PLPPR5: variants seen among roughly 807,000 people sequenced by gnomAD.
PLPPR5 encodes the protein phospholipid phosphatase related 5, also known as phospholipid phosphatase-related protein type 5.
A neutral mutation model predicts 33.9 loss-of-function variants in PLPPR5; 16 were observed. The observed-to-expected ratio is 0.47, with a 90% CI of 0.32 to 0.72. PLPPR5 has a LOEUF of 0.72. PLPPR5 is among the 30% of genes least tolerant of loss of function. The pLI is 0.03. For missense variants in PLPPR5, 301 were observed against 406.7 expected, an observed-to-expected ratio of 0.74 and a Z score of 2.23; for synonymous variants, 163 against 150.3, an observed-to-expected ratio of 1.08 and a Z score of -0.62.
intron 5 of PLPPR5, among the ~76,000 whole-genome samples, chr1:98,901,541 T>A (rs928014373): frequency 7.2e-5 from 11 of 152,118 alleles, no homozygotes; most frequent in Non-Finnish European, 4.4e-5. Flanking sequence ...GGTGTGTCAG[T>A]TATTGAATTA....
chr1:98,914,633 A>G (rs916663603), intron 5 of PLPPR5, among the ~76,000 whole-genome samples, 153 bp downstream of exon 5: 1 of 152,090 alleles, frequency 6.6e-6, no homozygotes, highest in African/African-American at 2.4e-5. Flanking sequence ...ATATTTTTCT[A>G]TGATTATCTC....
At chr1:98,933,037 A>G (rs1013401590) in intron 3 of PLPPR5, among the ~76,000 whole-genome samples, 1 of 152,150 alleles carries the variant, frequency 6.6e-6, no homozygotes, top group Non-Finnish European at 1.5e-5. Flanking sequence ...GCTGCACCCT[A>G]TAATAAAACA....
At chr1:98,945,524 C>T (rs545496641) in intron 3 of PLPPR5, among the ~76,000 whole-genome samples, 3 of 152,228 alleles carry the variant, frequency 2.0e-5, no homozygotes, top group East Asian at 1.9e-4. Context: ...GACCAAATAT[C>T]GACTTTGGAG....
At chr1:98,928,253 T>C (rs1649835673) in intron 3 of PLPPR5, among the ~76,000 whole-genome samples, 1 of 151,998 alleles carries the variant, frequency 6.6e-6, no homozygotes, top group Non-Finnish European at 1.5e-5. Context: ...AATGTTAATA[T>C]ATGTTTGAAA....
chr1:98,949,806 T>TCA lies in PLPPR5; in HGVS notation c.621+3262_621+3263dup, dbSNP rs145615690. On this transcript the variant is annotated intron_variant, in intron 3 of 5. Coordinates refer to ENST00000263177, the MANE Select transcript of PLPPR5 (RefSeq NM_001037317.2). ...GAGTTGCCATAGCAGCCACCCACAC[T>TCA]CACACACACACACAAAGGGGTGGTG... is the stretch of plus-strand genomic sequence containing the variant. Among the ~76,000 whole-genome samples the TCA allele has an allele frequency of 4.2e-4, 63 of 151,286 alleles. No individual in the cohort carries two copies. The Middle Eastern group carries it at 0.01, about 25-fold the overall frequency.
intron 3 of PLPPR5, among the ~76,000 whole-genome samples, chr1:98,923,254 C>T (rs1362634582): frequency 1.3e-5 from 2 of 152,080 alleles, no homozygotes; most frequent in Non-Finnish European, 2.9e-5. Flanking sequence ...TGACTGTATT[C>T]AATTATTATT....
intron 1 of PLPPR5, among the ~76,000 whole-genome samples, chr1:98,961,877 C>T (rs1296615534): frequency 1.3e-5 from 2 of 152,136 alleles, no homozygotes; most frequent in African/African-American, 4.8e-5. Flanking sequence ...TTCATTCCTC[C>T]TAAGACTTTA....
At chr1:98,899,632 T>C (rs1648611848) in intron 5 of PLPPR5, among the ~76,000 whole-genome samples, 1 of 151,454 alleles carries the variant, frequency 6.6e-6, no homozygotes, top group Non-Finnish European at 1.5e-5. Flanking sequence ...AAGAAGACCT[T>C]CAGAAAATAC....
At chr1:98,954,733 A>T (rs1650939741) in intron 2 of PLPPR5, among the ~76,000 whole-genome samples, 1 of 152,120 alleles carries the variant, frequency 6.6e-6, no homozygotes. Context: ...TACAAAGTAA[A>T]GGTTATCAAA....
rs1649695538 is a variant in PLPPR5 at position 98,924,817 on chromosome 1, G to A, written c.622-2759C>T. On this transcript the variant is annotated intron_variant, in intron 3 of 5. Coordinates refer to ENST00000263177, the MANE Select transcript of PLPPR5 (RefSeq NM_001037317.2). ...AGCCACAATGCAAACTCATGAAAAAGCTTCTATTTTAGGAATAGCCTGGTA... is the reference window on the plus strand; with the variant it reads ...AGCCACAATGCAAACTCATGAAAAAACTTCTATTTTAGGAATAGCCTGGTA... Among the ~76,000 whole-genome samples, 3 of 152,292 alleles carry A rather than the reference G, an allele frequency of 2.0e-5. No individual in the cohort carries two copies. The South Asian group carries it at 6.2e-4, about 32-fold the overall frequency.
intron 1 of PLPPR5, among the ~76,000 whole-genome samples, chr1:98,991,510 C>A (rs1345236718): frequency 6.6e-6 from 1 of 152,128 alleles, no homozygotes; most frequent in South Asian, 2.1e-4. Flanking sequence ...GAACATAAGA[C>A]ATCTTGTGTA....
At chr1:98,917,029 A>C (rs773291141) in intron 4 of PLPPR5, among the ~76,000 whole-genome samples, 22 of 152,094 alleles carry the variant, frequency 1.4e-4, no homozygotes, top group Non-Finnish European at 2.6e-4. Context: ...TTGGCTGGCA[A>C]AGGTATGACA....
At chr1:99,003,809 G>A (rs1412723203) in intron 1 of PLPPR5, among the ~76,000 whole-genome samples, 1 of 152,184 alleles carries the variant, frequency 6.6e-6, no homozygotes, top group Admixed American at 6.5e-5. Context: ...TTGTAATTGA[G>A]GTACAGCTCC....
chr1:98,964,989 TTTTG>T (rs1278379315), intron 1 of PLPPR5, among the ~76,000 whole-genome samples: 1 of 150,998 alleles, frequency 6.6e-6, no homozygotes, highest in Non-Finnish European at 1.5e-5. Flanking sequence ...TTTTTTTTTT[TTTTG>T]GTAGAGATGG....
chr1:98,903,668 G>C (rs1382493426), intron 5 of PLPPR5, among the ~76,000 whole-genome samples: 1 of 152,056 alleles, frequency 6.6e-6, no homozygotes, highest in East Asian at 1.9e-4. Context: ...AGAAATGATT[G>C]TTGCGGGAGG....
intron 5 of PLPPR5, among the ~76,000 whole-genome samples, chr1:98,907,530 T>G (rs2101143101): frequency 6.6e-6 from 1 of 152,362 alleles, no homozygotes; most frequent in South Asian, 2.1e-4. Context: ...CTTAATGCTC[T>G]ATTAAAATAT....
chr1:98,958,730 A>G (rs1392779201), intron 1 of PLPPR5, among the ~76,000 whole-genome samples: 2 of 152,124 alleles, frequency 1.3e-5, no homozygotes, highest in African/African-American at 4.8e-5. Context: ...CCTCCTCTTC[A>G]GTGCACCTTG....
intron 1 of PLPPR5, among the ~76,000 whole-genome samples, chr1:98,990,300 T>C (rs177915): frequency 0.48 from 73,168 of 151,880 alleles, 19,259 homozygotes; most frequent in African/African-American, 0.71. Flanking sequence ...ACCCAAGAGG[T>C]GGAGGTTACA....
intron 3 of PLPPR5, among the ~76,000 whole-genome samples, chr1:98,929,655 A>G (rs1317713607): frequency 1.3e-5 from 2 of 152,204 alleles, no homozygotes; most frequent in East Asian, 3.9e-4. Context: ...TTTGGTTATG[A>G]ATAACAGCTC....
Sources: allele counts gnomAD v4.1 joint callset (sites outside exome capture counted in the v4.1 genomes callset), GRCh38; gene constraint gnomAD v4.1.1; transcripts MANE v1.5; gene names NCBI Gene and HGNC (gene_info 2026-07-23, HGNC 2026-07-21).